KIAA0586: variants seen among roughly 807,000 people sequenced by gnomAD.
KIAA0586 encodes protein TALPID3.
In KIAA0586, 144 loss-of-function variants were observed where a neutral mutation model predicts 169.8. That is an observed-to-expected ratio of 0.85 (90% CI 0.74 to 0.97). The LOEUF is 0.97. KIAA0586 is among the 50% of genes least tolerant of loss of function. The pLI is 0.00. For missense variants in KIAA0586, 1,854 were observed against 1,823.0 expected (o/e 1.02, Z -0.31); for synonymous variants, 625 against 612.4 (o/e 1.02, Z -0.30).
chr14:58,504,372 A>G (rs2043788425), intron 27 of KIAA0586, among the ~76,000 whole-genome samples: 1 of 152,216 alleles, frequency 6.6e-6, no homozygotes, highest in Non-Finnish European at 1.5e-5. Flanking sequence ...TATTGGATAG[A>G]TGGTCATCTC....
intron 26 of KIAA0586, among the ~76,000 whole-genome samples, chr14:58,494,220 C>T (rs761324546): frequency 6.6e-6 from 1 of 151,262 alleles, no homozygotes; most frequent in Non-Finnish European, 1.5e-5. Flanking sequence ...TTTTCTTCTC[C>T]ATTCTGGGAG....
At chr14:58,525,849 G>A (rs1013493653) in intron 29 of KIAA0586, among the ~76,000 whole-genome samples, 7 of 152,294 alleles carry the variant, frequency 4.6e-5, no homozygotes, top group African/African-American at 1.2e-4. Context: ...GTCTGAAGTC[G>A]ACCTGGGATG....
At position 58,513,936 on chromosome 14, in the gene KIAA0586, G is replaced by A. The variant is rs532047928; in HGVS notation, c.4429+1309G>A. Among the ~76,000 whole-genome samples the A allele has an allele frequency of 8.5e-5, 13 of 152,064 alleles. No individual in the cohort carries two copies. The East Asian group carries it at 2.3e-3, about 27-fold the overall frequency. ...TAGCTGGTAGAAGGAAGTTTTATGTGGAAAGGGTTTACAACAGTTGGATTT... is the reference window on the plus strand; with the variant it reads ...TAGCTGGTAGAAGGAAGTTTTATGTAGAAAGGGTTTACAACAGTTGGATTT... On this transcript the variant is annotated intron_variant, in intron 29 of 30. Transcript: ENST00000652326.
At chr14:58,483,772 G>T (rs1426011982) in intron 21 of KIAA0586, among the ~76,000 whole-genome samples, 2 of 152,074 alleles carry the variant, frequency 1.3e-5, no homozygotes, top group East Asian at 1.9e-4. Flanking sequence ...ATTACCAGCT[G>T]TTTAAAACTA....
chr14:58,512,874 T>C (rs2044488659), intron 29 of KIAA0586, among the ~76,000 whole-genome samples: 1 of 152,124 alleles, frequency 6.6e-6, no homozygotes, highest in Admixed American at 6.6e-5. Flanking sequence ...CCTTTACCCT[T>C]GCCTTTTAGT....
chr14:58,450,578 G>A lies in KIAA0586; in HGVS notation c.962-1G>A. Reference sequence around the variant, plus strand: ...AGTTTTTAAAAAATTTTCTGTTAAAGCACCTTTAAAAGAAGTTGAAGATAC... The same window carrying A: ...AGTTTTTAAAAAATTTTCTGTTAAAACACCTTTAAAAGAAGTTGAAGATAC... On this transcript the variant is annotated splice_acceptor_variant, in intron 7 of 30. Transcript: ENST00000652326. LOFTEE classifies it high-confidence loss of function. 9 of 1,587,086 alleles carry A rather than the reference G, an allele frequency of 5.7e-6. No homozygotes were observed. The highest frequency in any genetic ancestry group is 7.7e-6 in the Non-Finnish European group (9 of 1,168,764).
intron 29 of KIAA0586, among the ~76,000 whole-genome samples, chr14:58,537,446 C>A (rs2046363004): frequency 6.6e-6 from 1 of 152,048 alleles, no homozygotes; most frequent in Non-Finnish European, 1.5e-5. Context: ...AGTGGTTCTT[C>A]AATGGAAGGG....
upstream of KIAA0586, chr14:58,427,406 C>T: frequency 3.5e-6 from 2 of 565,946 alleles, no homozygotes; most frequent in Non-Finnish European, 6.2e-6. Flanking sequence ...TCCCACGTCC[C>T]TAACGGTCTT....
intron 4 of KIAA0586, among the ~76,000 whole-genome samples, chr14:58,442,151 C>G (rs2038442141): frequency 6.6e-6 from 1 of 151,928 alleles, no homozygotes; most frequent in Admixed American, 6.6e-5. Flanking sequence ...ACTGTGTCAC[C>G]CAGGCTGGAG....
chr14:58,490,200 A>G lies in KIAA0586; in HGVS notation c.3818A>G (p.Asn1273Ser), dbSNP rs1429437302. 2 of 1,542,984 alleles carry G rather than the reference A, an allele frequency of 1.3e-6. No individual in the cohort carries two copies. The highest frequency in any genetic ancestry group is 1.9e-5 in the Admixed American group (1 of 51,762). ...EDIGLYLTNLNDSLSSTLHDA... is the reference protein window; with the variant it reads ...EDIGLYLTNLSDSLSSTLHDA... ...ATAGGACTGTACCTGACAAACCTTA[A>G]TGATAGCTTATCCAGCACTCTGCAT... Residue 1273 changes from asparagine (N) to serine (S), a missense_variant, in exon 25 of 31, where the codon AAT becomes AGT. Coordinates refer to ENST00000652326, the MANE Select transcript of KIAA0586 (RefSeq NM_001329943.3).
chr14:58,494,453 A>T (rs537758372), intron 26 of KIAA0586, among the ~76,000 whole-genome samples: 1 of 149,464 alleles, frequency 6.7e-6, no homozygotes, highest in African/African-American at 2.5e-5. Flanking sequence ...TTGACTCCTC[A>T]GGTATCTGGT....
chr14:58,493,004 G>T (rs572361311), intron 26 of KIAA0586, among the ~76,000 whole-genome samples: 1 of 152,316 alleles, frequency 6.6e-6, no homozygotes, highest in African/African-American at 2.4e-5. Flanking sequence ...CTTGGGCACT[G>T]TGGAGCCCAT....
chr14:58,474,821 T>G, intron 19 of KIAA0586, 24 bp downstream of exon 19: 1 of 1,462,752 alleles, frequency 6.8e-7, no homozygotes, highest in South Asian at 1.2e-5. Context: ...GTTTTTGGTA[T>G]GAATAGAACC....
At chr14:58,521,842 G>A in intron 29 of KIAA0586, 1 of 914,826 alleles carries the variant, frequency 1.1e-6, no homozygotes, top group South Asian at 1.3e-5. Flanking sequence ...TCGGAGCGGG[G>A]TGCAGATGAC....
At chr14:58,458,879 C>T (rs955251363) in intron 12 of KIAA0586, among the ~76,000 whole-genome samples, 2 of 152,062 alleles carry the variant, frequency 1.3e-5, no homozygotes, top group Non-Finnish European at 2.9e-5. Context: ...ATTGACCCGC[C>T]AAAGTAAAAA....
chr14:58,460,208 A>G (rs138893056), intron 13 of KIAA0586, 138 bp downstream of exon 13: 111 of 582,472 alleles, frequency 1.9e-4, no homozygotes, highest in Non-Finnish European at 2.8e-4. Flanking sequence ...TCTTTACACT[A>G]TTGATACTTA....
rs757409718 is a variant in KIAA0586 at position 58,477,104 on chromosome 14, T to G, written c.2826-19T>G. 1 of 1,329,028 alleles carries G rather than the reference T, an allele frequency of 7.5e-7. No individual in the cohort carries two copies. Among genetic ancestry groups the G allele is most frequent in the Admixed American group, 2.1e-5 (1 of 48,594 alleles). 82.3% of individuals were successfully genotyped at this position (1,329,028 alleles called of 1,614,324 possible). A position where few individuals can be genotyped will look rare whatever the true frequency, so the allele number is the denominator to read the frequency against. ...AAATTGAGGAATCTTAACTTTTATC[T>G]GCCCCACCATCCTCTCAGGGTAGAG... On this transcript the variant is annotated intron_variant, in intron 19 of 30. Coordinates refer to ENST00000652326, the MANE Select transcript of KIAA0586 (RefSeq NM_001329943.3).
At chr14:58,559,863 C>T in the KIAA0586 span, among the ~76,000 whole-genome samples, 1 of 152,068 alleles carries the variant, frequency 6.6e-6, no homozygotes, top group South Asian at 2.1e-4. Context: ...CTAAAATGGA[C>T]AGGCCCCAGC....
chr14:58,431,249 T>TA (rs1201745233), intron 3 of KIAA0586, among the ~76,000 whole-genome samples: 5 of 152,180 alleles, frequency 3.3e-5, no homozygotes, highest in African/African-American at 1.2e-4. Context: ...TGCAGAGGTT[T>TA]AGTATTAGAT....
Sources: allele counts gnomAD v4.1 joint callset (sites outside exome capture counted in the v4.1 genomes callset), GRCh38; gene constraint gnomAD v4.1.1; transcripts MANE v1.5; gene names NCBI Gene and HGNC (gene_info 2026-07-23, HGNC 2026-07-21).